FGF12: variants seen among roughly 807,000 people sequenced by gnomAD.
FGF12 encodes the protein fibroblast growth factor 12, also known as fibroblast growth factor 12B.
In FGF12, 14 loss-of-function variants were observed where a neutral mutation model predicts 23.6. The ratio of observed to expected loss-of-function variants is 0.59; its 90% CI spans 0.39 to 0.93. The LOEUF is 0.93. Ranked by LOEUF, FGF12 falls within the 40% of genes least tolerant of loss-of-function variation. The pLI is 0.00. For synonymous variants in FGF12, 62 were observed against 77.3 expected (o/e 0.80, Z 1.04); for missense variants, 175 against 217.8 (o/e 0.80, Z 1.24).
intron 4 of FGF12, among the ~76,000 whole-genome samples, chr3:192,294,220 T>C (rs116084171): frequency 0.059 from 8,959 of 152,246 alleles, 350 homozygotes; most frequent in South Asian, 0.087. Context: ...TCATTAAACC[T>C]TTTTTCTTCC....
chr3:192,469,933 G>A (rs953004509), intron 2 of FGF12, among the ~76,000 whole-genome samples: 1 of 152,178 alleles, frequency 6.6e-6, no homozygotes, highest in Admixed American at 6.5e-5. Context: ...AGCTATGTGT[G>A]TATATTTGGC....
intron 4 of FGF12, among the ~76,000 whole-genome samples, chr3:192,190,751 A>G (rs1226586902): frequency 6.6e-6 from 1 of 152,182 alleles, no homozygotes; most frequent in Non-Finnish European, 1.5e-5. Context: ...CTGGGATTAC[A>G]GGCGTGAGCC....
In FGF12 at chr3:192,554,440, G is replaced by A. The variant is rs144397184; in HGVS notation, c.13+172741C>T. 2.2e-4 allele frequency among the ~76,000 whole-genome samples: 33 copies of A among 152,232 alleles called. No homozygotes were observed. In the East Asian group the frequency reaches 5.6e-3, roughly 26 times the overall value. On this transcript the variant is annotated intron_variant, in intron 2 of 5. Coordinates refer to ENST00000445105, the MANE Select transcript of FGF12 (RefSeq NM_004113.6). Reference sequence around the variant, plus strand: ...CACATTAGAGGGAGAAAGAGATGATGAATTCTTAAAAAAAGAAACTGGCAA... The same window carrying A: ...CACATTAGAGGGAGAAAGAGATGATAAATTCTTAAAAAAAGAAACTGGCAA...
intron 4 of FGF12, among the ~76,000 whole-genome samples, chr3:192,223,824 AATG>A (rs986557306): frequency 3.9e-5 from 6 of 152,264 alleles, no homozygotes; most frequent in Non-Finnish European, 7.4e-5. Context: ...TAAACAATAT[AATG>A]ATATTATTAT....
rs531753525 is a variant in FGF12, at chr3:192,500,374, G to A, written c.14-139836C>T. Among the ~76,000 whole-genome samples the A allele has an allele frequency of 3.9e-5, 6 of 152,278 alleles. No individual in the cohort carries two copies. In the South Asian group the frequency reaches 1.2e-3, roughly 32 times the overall value. On this transcript the variant is annotated intron_variant, in intron 2 of 5. Transcript: ENST00000445105. Reference sequence around the variant, plus strand: ...TTTACAATTGAAGGTCTAGAAAATAGAATAGGATTTCAGACCATTCTCAGT... The same window carrying A: ...TTTACAATTGAAGGTCTAGAAAATAAAATAGGATTTCAGACCATTCTCAGT...
intron 2 of FGF12, among the ~76,000 whole-genome samples, chr3:192,714,909 G>C (rs1718820628): frequency 6.6e-6 from 1 of 152,184 alleles, no homozygotes; most frequent in African/African-American, 2.4e-5. Context: ...TTCAACGCTA[G>C]AATTTTAGAG....
chr3:192,653,210 C>T (rs1478226630), intron 2 of FGF12, among the ~76,000 whole-genome samples: 2 of 152,186 alleles, frequency 1.3e-5, no homozygotes, highest in Non-Finnish European at 2.9e-5. Flanking sequence ...GGTTGTAATT[C>T]AGTTTGATAA....
chr3:192,532,112 CT>C (rs1725103097), intron 2 of FGF12, among the ~76,000 whole-genome samples: 1 of 152,002 alleles, frequency 6.6e-6, no homozygotes, highest in Non-Finnish European at 1.5e-5. Context: ...GTCTACATGC[CT>C]ATTTTTTATA....
chr3:192,537,353 T>A (rs1326045408), intron 2 of FGF12, among the ~76,000 whole-genome samples: 1 of 152,114 alleles, frequency 6.6e-6, no homozygotes, highest in African/African-American at 2.4e-5. Context: ...GTAGCCCTAT[T>A]TTTAGTTTTT....
intron 2 of FGF12, among the ~76,000 whole-genome samples, chr3:192,662,624 C>T (rs1288036377): frequency 1.3e-5 from 2 of 152,142 alleles, no homozygotes; most frequent in Non-Finnish European, 2.9e-5. Flanking sequence ...CCAGTTTTTA[C>T]AGATTCAGTG....
chr3:192,631,679 T>C (rs917220827), intron 2 of FGF12, among the ~76,000 whole-genome samples: 8 of 152,170 alleles, frequency 5.3e-5, no homozygotes, highest in African/African-American at 1.9e-4. Context: ...ACATGACACA[T>C]TGAAGGCAGG....
At chr3:192,539,115 G>A (rs1026464349) in intron 2 of FGF12, among the ~76,000 whole-genome samples, 4 of 152,022 alleles carry the variant, frequency 2.6e-5, no homozygotes, top group Non-Finnish European at 4.4e-5. Flanking sequence ...CCTTTCCAGC[G>A]TGGATGCTTT....
chr3:192,612,841 C>A (rs557416704), intron 2 of FGF12, among the ~76,000 whole-genome samples: 1 of 152,008 alleles, frequency 6.6e-6, no homozygotes, highest in South Asian at 2.1e-4. Context: ...TTCCTTTATA[C>A]CCCCTGTTCC....
At chr3:192,567,790 T>C (rs987874976) in intron 2 of FGF12, among the ~76,000 whole-genome samples, 1 of 135,608 alleles carries the variant, frequency 7.4e-6, no homozygotes, top group African/African-American at 2.7e-5. Flanking sequence ...TCTTTCTTTC[T>C]TTCTTTCTTT....
At chr3:192,208,942 T>C (rs1033688333) in intron 4 of FGF12, among the ~76,000 whole-genome samples, 1 of 152,236 alleles carries the variant, frequency 6.6e-6, no homozygotes, top group Non-Finnish European at 1.5e-5. Flanking sequence ...GAATTCCTTG[T>C]TGATAAAAGC....
intron 2 of FGF12, among the ~76,000 whole-genome samples, chr3:192,544,188 T>C (rs1256430460): frequency 6.6e-6 from 1 of 152,148 alleles, no homozygotes; most frequent in East Asian, 1.9e-4. Flanking sequence ...CCACAATCAC[T>C]GTGCTCTCCC....
intron 2 of FGF12, among the ~76,000 whole-genome samples, chr3:192,694,801 C>G (rs1211019687): frequency 6.6e-6 from 1 of 151,860 alleles, no homozygotes; most frequent in East Asian, 1.9e-4. Flanking sequence ...CTGTATCACT[C>G]TTATATGTGG....
chr3:192,312,736 G>C (rs1716021631), intron 4 of FGF12, among the ~76,000 whole-genome samples: 2 of 137,508 alleles, frequency 1.5e-5, no homozygotes, highest in South Asian at 2.4e-4. Context: ...AACAGAGTGA[G>C]ACTCGGTCTC....
intron 2 of FGF12, among the ~76,000 whole-genome samples, chr3:192,480,818 A>G (rs905888089): frequency 1.3e-5 from 2 of 152,196 alleles, no homozygotes; most frequent in African/African-American, 4.8e-5. Flanking sequence ...TGAAACCTAG[A>G]ATGGAATCCA....
Sources: allele counts gnomAD v4.1 joint callset (sites outside exome capture counted in the v4.1 genomes callset), GRCh38; gene constraint gnomAD v4.1.1; transcripts MANE v1.5; gene names NCBI Gene and HGNC (gene_info 2026-07-23, HGNC 2026-07-21).